The following RGS6 variants were observed in gnomAD, a reference collection of about 807,000 sequenced individuals.
The protein encoded by RGS6 is regulator of G-protein signaling 6.
In RGS6, 30 loss-of-function variants were observed where a neutral mutation model predicts 78.5. That is an observed-to-expected ratio of 0.38 (90% CI 0.29 to 0.52). RGS6 has a LOEUF of 0.52. Ranked by LOEUF, RGS6 falls within the 20% of genes least tolerant of loss-of-function variation. The probability of loss-of-function intolerance (pLI) is 0.85; values close to 1 mark genes in which losing one functional copy is unlikely to be tolerated. For synonymous variants in RGS6, 206 were observed against 206.0 expected (o/e 1.00, Z 0.00); for missense variants, 495 against 609.7 (o/e 0.81, Z 1.98).
At chr14:71,998,096 T>C (rs980705298) in intron 2 of RGS6, among the ~76,000 whole-genome samples, 3 of 152,158 alleles carry the variant, frequency 2.0e-5, no homozygotes, top group Middle Eastern at 3.2e-3. Context: ...AATCAATGTA[T>C]GTAAGAAGTA....
rs1437312896 is a variant in RGS6 at position 72,555,868 on chromosome 14, T to TTTG, written c.1423-6546_1423-6544dup. Reference sequence around the variant, plus strand: ...TCAATGGTCCATCAGCAGGTGGCTGTTTGTTAGTAACTGTCCTCACAGCTA... The same window carrying TTTG: ...TCAATGGTCCATCAGCAGGTGGCTGTTTGTTGTTAGTAACTGTCCTCACAGCTA... On this transcript the variant is annotated intron_variant, in intron 17 of 17. Transcript: ENST00000553525. Among the ~76,000 whole-genome samples the TTTG allele has an allele frequency of 2.0e-5, 3 of 152,186 alleles. No individual in the cohort carries two copies. The East Asian group carries it at 5.8e-4, about 29-fold the overall frequency.
In RGS6 at chr14:72,562,973, C is replaced by T. The variant is rs2097692793; in HGVS notation, c.*506C>T. ...CCCCACCGCCGCCTGTCATCCCTCA[C>T]GTCTCTGTGGCCACCCGGGTGTCAC... On this transcript the variant is annotated 3_prime_UTR_variant, in exon 18 of 18. Transcript: ENST00000553525. 3.3e-6 allele frequency: 2 copies of T among 599,974 alleles called. No individual in the cohort carries two copies. The highest frequency in any genetic ancestry group is 2.7e-5 in the Admixed American group (1 of 36,774). The allele number at this position is 599,974 out of a possible 1,614,324, so 37.2% of individuals were successfully genotyped here.
At chr14:72,099,342 G>C (rs2095479592) in intron 2 of RGS6, among the ~76,000 whole-genome samples, 1 of 152,028 alleles carries the variant, frequency 6.6e-6, no homozygotes, top group Admixed American at 6.6e-5. Context: ...TATATTTTTA[G>C]TAGAGACGGG....
chr14:72,325,319 T>G (rs190024589), intron 2 of RGS6, among the ~76,000 whole-genome samples: 249 of 152,324 alleles, frequency 1.6e-3, no homozygotes, highest in African/African-American at 5.7e-3. Flanking sequence ...TTCACTCTGA[T>G]GGTAGTTTCT....
At chr14:72,281,648 G>A (rs1030670553) in intron 2 of RGS6, among the ~76,000 whole-genome samples, 1 of 152,190 alleles carries the variant, frequency 6.6e-6, no homozygotes, top group African/African-American at 2.4e-5. Flanking sequence ...AGACTATTGA[G>A]ATATACCTGA....
the RGS6 span, among the ~76,000 whole-genome samples, chr14:71,917,771 C>A: frequency 6.6e-6 from 1 of 152,178 alleles, no homozygotes; most frequent in African/African-American, 2.4e-5. Flanking sequence ...TGTCCCTGAT[C>A]ATTTAATGAT....
the RGS6 span, among the ~76,000 whole-genome samples, chr14:71,887,533 A>C: frequency 6.6e-6 from 1 of 151,958 alleles, no homozygotes; most frequent in Non-Finnish European, 1.5e-5. Flanking sequence ...TCCTGGGGGG[A>C]GGTCTATAAA....
intron 2 of RGS6, among the ~76,000 whole-genome samples, chr14:72,300,138 C>T (rs951810789): frequency 6.6e-6 from 1 of 151,944 alleles, no homozygotes; most frequent in African/African-American, 2.4e-5. Flanking sequence ...ACCATGTGAA[C>T]TTGAAAAGAT....
intron 3 of RGS6, among the ~76,000 whole-genome samples, chr14:72,449,901 T>G (rs1441590791): frequency 6.6e-6 from 1 of 152,228 alleles, no homozygotes; most frequent in African/African-American, 2.4e-5. Flanking sequence ...TGGCCAGGGC[T>G]TGAGGATAGC....
chr14:72,604,591 A>C, the RGS6 span, among the ~76,000 whole-genome samples: 1 of 152,160 alleles, frequency 6.6e-6, no homozygotes, highest in Non-Finnish European at 1.5e-5. Flanking sequence ...AGTTGTGTCC[A>C]TCAAAATGGC....
chr14:72,203,826 T>C (rs146364335), intron 2 of RGS6, among the ~76,000 whole-genome samples: 2 of 12,346 alleles, frequency 1.6e-4, no homozygotes, highest in South Asian at 8.1e-3. Context: ...TCTTTCTTTT[T>C]TTTTTTTTTT....
the RGS6 span, among the ~76,000 whole-genome samples, chr14:71,876,238 A>T: frequency 1.4e-5 from 2 of 147,616 alleles, no homozygotes; most frequent in Non-Finnish European, 3.0e-5. Flanking sequence ...TAATGTTGAC[A>T]GTGGGGTGTT....
At chr14:72,120,536 C>G (rs1008050763) in intron 2 of RGS6, among the ~76,000 whole-genome samples, 3 of 152,172 alleles carry the variant, frequency 2.0e-5, no homozygotes, top group African/African-American at 7.2e-5. Context: ...TCACCAGCAG[C>G]CTTATTCATA....
intron 2 of RGS6, among the ~76,000 whole-genome samples, chr14:72,173,382 C>T: frequency 6.6e-6 from 1 of 152,174 alleles, no homozygotes; most frequent in East Asian, 1.9e-4. Flanking sequence ...AAGGTAAACT[C>T]AACTCCCTTT....
At chr14:71,889,625 G>A in the RGS6 span, among the ~76,000 whole-genome samples, 103 of 152,116 alleles carry the variant, frequency 6.8e-4, no homozygotes, top group Non-Finnish European at 1.3e-3. Context: ...CTTGGGGCAC[G>A]CACTTTGCAG....
chr14:72,569,416 A>G (rs1476664156), downstream of RGS6, among the ~76,000 whole-genome samples: 1 of 152,062 alleles, frequency 6.6e-6, no homozygotes, highest in African/African-American at 2.4e-5. Context: ...ACAGTGGCTC[A>G]CACCTGTAAT....
chr14:72,105,505 G>GT (rs1455568230), intron 2 of RGS6, among the ~76,000 whole-genome samples: 7 of 152,068 alleles, frequency 4.6e-5, no homozygotes, highest in African/African-American at 9.7e-5. Context: ...GCATAACCAA[G>GT]TTTTTTTCTG....
chr14:71,981,282 C>T (rs1419629257), intron 2 of RGS6, among the ~76,000 whole-genome samples: 1 of 152,180 alleles, frequency 6.6e-6, no homozygotes, highest in Non-Finnish European at 1.5e-5. Context: ...ATTCTCCGTC[C>T]AGCTTTGTTC....
the RGS6 span, among the ~76,000 whole-genome samples, chr14:72,598,799 T>G: frequency 6.6e-6 from 1 of 152,344 alleles, no homozygotes; most frequent in African/African-American, 2.4e-5. Flanking sequence ...TCTAGGGGGC[T>G]TTCTATGTCT....
Sources: allele counts gnomAD v4.1 joint callset (sites outside exome capture counted in the v4.1 genomes callset), GRCh38; gene constraint gnomAD v4.1.1; transcripts MANE v1.5; gene names NCBI Gene and HGNC (gene_info 2026-07-23, HGNC 2026-07-21).